PCGF1: variants seen among roughly 807,000 people sequenced by gnomAD.
PCGF1 encodes polycomb group ring finger 1, also known as polycomb group RING finger protein 1.
PCGF1 carries 10 observed loss-of-function variants against 38.8 expected under a neutral mutation model. The observed-to-expected ratio is 0.26, with a 90% CI of 0.16 to 0.44. The LOEUF is 0.44. Ranked by LOEUF, PCGF1 falls within the 20% of genes least tolerant of loss-of-function variation. The pLI is 1.00. For missense variants in PCGF1, 230 were observed against 331.5 expected (o/e 0.69, Z 2.38); for synonymous variants, 119 against 121.3 (o/e 0.98, Z 0.12).
intron 2 of PCGF1, 74 bp downstream of exon 2, chr2:74,506,968 G>T: frequency 1.2e-6 from 2 of 1,603,014 alleles, no homozygotes; most frequent in Non-Finnish European, 1.7e-6. Flanking sequence ...CGTGAGGCAG[G>T]CCGCACAGAA....
chr2:74,505,652 G>C lies in PCGF1; in HGVS notation c.565-14C>G. On this transcript the variant is annotated splice_polypyrimidine_tract_variant and intron_variant, in intron 6 of 8. Transcript: ENST00000233630. The stretch of plus-strand genomic sequence containing the variant: ...GACATACTTGTTCTGGGAGCAGGGA[G>C]GGGAGGGAAGAGGGCAAGGTGTGTG... The C allele has an allele frequency of 6.2e-7, 1 of 1,614,162 alleles. No homozygotes were observed. Among genetic ancestry groups the C allele is most frequent in the Non-Finnish European group, 8.5e-7 (1 of 1,180,030 alleles).
chr2:74,505,119 T>C lies in PCGF1; in HGVS notation c.*24A>G. ...TAAATATCTGGGGAGGGAAGGGGAG[T>C]GGGATGGGGTGGGGGCTTGGCCCCT... On this transcript the variant is annotated 3_prime_UTR_variant, in exon 9 of 9. Transcript: ENST00000233630. 1 of 1,427,626 alleles carries C rather than the reference T, an allele frequency of 7.0e-7. No individual in the cohort carries two copies. Among genetic ancestry groups the C allele is most frequent in the Non-Finnish European group, 9.3e-7 (1 of 1,080,810 alleles). The allele number at this position is 1,427,626 out of a possible 1,614,324, so 88.4% of individuals were successfully genotyped here. A position where few individuals can be genotyped will look rare whatever the true frequency, so the allele number is the denominator to read the frequency against.
chr2:74,505,931 A>C, intron 5 of PCGF1, 21 bp downstream of exon 5: 2 of 1,612,608 alleles, frequency 1.2e-6, no homozygotes, highest in South Asian at 2.2e-5. Context: ...CACCTCCTGC[A>C]ACCCCTGACC....
rs771462635 is a variant in PCGF1, at chr2:74,505,134, G to T, written c.*9C>A. 1.3e-6 allele frequency: 2 copies of T among 1,493,194 alleles called. No individual in the cohort carries two copies. Among genetic ancestry groups the T allele is most frequent in the Non-Finnish European group, 1.8e-6 (2 of 1,119,916 alleles). 92.5% of individuals were successfully genotyped at this position (1,493,194 alleles called of 1,614,324 possible). On this transcript the variant is annotated 3_prime_UTR_variant, in exon 9 of 9. Transcript: ENST00000233630. ...GGAAGGGGAGTGGGATGGGGTGGGG[G>T]CTTGGCCCCTACCTCCTCTTCTCTT...
chr2:74,507,662 A>C lies in PCGF1; in HGVS notation c.7T>G (p.Ser3Ala). 1 of 1,559,098 alleles carries C rather than the reference A, an allele frequency of 6.4e-7. No homozygotes were observed. The highest frequency in any genetic ancestry group is 1.2e-5 in the South Asian group (1 of 84,502). Reference protein sequence around the residue: MASPQGGQIAIAM... With the variant: MAAPQGGQIAIAM... ...ATCGCAATCTGGCCCCCCTGAGGAGACGCCATCTTAAAGGCTGATCCCAGC... is the reference window on the plus strand; with the variant it reads ...ATCGCAATCTGGCCCCCCTGAGGAGCCGCCATCTTAAAGGCTGATCCCAGC... The change falls in exon 1 of 9, where the codon TCT becomes GCT. Residue 3 changes from serine to alanine, a missense_variant. Ser to Ala is a moderately conservative substitution (Grantham distance 99). Coordinates refer to ENST00000233630, the MANE Select transcript of PCGF1 (RefSeq NM_032673.3).
intron 7 of PCGF1, 48 bp from the exon 8 acceptor site, chr2:74,505,467 A>G (rs201019641): frequency 1.2e-6 from 2 of 1,608,310 alleles, no homozygotes; most frequent in Admixed American, 3.4e-5. Flanking sequence ...TGGCAGGTCA[A>G]AAACTACCCT....
In PCGF1 at chr2:74,505,204, G is replaced by A. The variant is rs1185834959; in HGVS notation, c.733-14C>T. The A allele has an allele frequency of 2.6e-6, 4 of 1,563,246 alleles. No homozygotes were observed. The highest frequency in any genetic ancestry group is 3.5e-6 in the Non-Finnish European group (4 of 1,153,894). Reference sequence around the variant, plus strand: ...CAAAGGGGATGGCTAAGGAGAGAATGAGGAAGTAGTAGTCAGTGGGGAATG... The same window carrying A: ...CAAAGGGGATGGCTAAGGAGAGAATAAGGAAGTAGTAGTCAGTGGGGAATG... On this transcript the variant is annotated splice_polypyrimidine_tract_variant and intron_variant, in intron 8 of 8. Transcript: ENST00000233630.
At position 74,505,067 on chromosome 2, in the gene PCGF1, A is replaced by G. The variant is rs754073484; in HGVS notation, c.*76T>C. 5.1e-5 allele frequency: 71 copies of G among 1,400,184 alleles called. No individual in the cohort carries two copies. Among genetic ancestry groups the G allele is most frequent in the Non-Finnish European group, 6.7e-5 (71 of 1,063,062 alleles). 86.7% of individuals were successfully genotyped at this position (1,400,184 alleles called of 1,614,324 possible). ...GTGCTTTTTAAAAGTTTTTATTTCAAAAAATAAAGCTGCAGTTCATTTCAC... is the reference window on the plus strand; with the variant it reads ...GTGCTTTTTAAAAGTTTTTATTTCAGAAAATAAAGCTGCAGTTCATTTCAC... On this transcript the variant is annotated 3_prime_UTR_variant, in exon 9 of 9. Coordinates refer to ENST00000233630, the MANE Select transcript of PCGF1 (RefSeq NM_032673.3).
At chr2:74,505,525 C>G (rs1674609318) in intron 7 of PCGF1, 27 bp downstream of exon 7, 1 of 1,613,900 alleles carries the variant, frequency 6.2e-7, no homozygotes, top group East Asian at 2.2e-5. Flanking sequence ...TTCTCCCCCT[C>G]AAGAAACCTA....
intron 1 of PCGF1, 115 bp from the exon 2 acceptor site, chr2:74,507,262 G>A: frequency 1.4e-6 from 2 of 1,480,674 alleles, no homozygotes; most frequent in Non-Finnish European, 9.1e-7. Context: ...CGCGCCCTGC[G>A]CCATCAGCCG....
rs77847000 is a variant in PCGF1 at position 74,505,189 on chromosome 2, G to T, written c.734C>A (p.Pro245Gln). 2 of 1,555,078 alleles carry T rather than the reference G, an allele frequency of 1.3e-6. No individual in the cohort carries two copies. The highest frequency in any genetic ancestry group is 2.5e-5 in the South Asian group (2 of 81,098). ...ACTGTATTGTAAAAGCAAAGGGGAT[G>T]GCTAAGGAGAGAATGAGGAAGTAGT... The part of the protein sequence containing the change: ...QIWLSRWFGK[P>Q]SPLLLQYSVK... The change falls in exon 9 of 9, where the codon CCA (proline) becomes CAA (glutamine). Residue 245 changes from proline to glutamine, a missense_variant and splice_region_variant. Physicochemically the swap from Pro to Gln is moderately conservative, Grantham distance 76. Coordinates refer to ENST00000233630, the MANE Select transcript of PCGF1 (RefSeq NM_032673.3).
Position 74,506,216 on chromosome 2 carries a change from C to T in PCGF1, c.389G>A (p.Arg130Gln), listed in dbSNP as rs768837386. ...EKRIREFYQS[R>Q]GLDRVTQPTG... ...GGGCTGGGTGACCCGGTCCAAACCT[C>T]GGGACTGGTAGAATTCCCGAATCCG... The change falls in exon 4 of 9, where the codon CGA (arginine) becomes CAA (glutamine). Residue 130 changes from arginine to glutamine, a missense_variant. Arg to Gln is a conservative substitution (Grantham distance 43, BLOSUM62 1). Coordinates refer to ENST00000233630, the MANE Select transcript of PCGF1 (RefSeq NM_032673.3). 2.5e-6 allele frequency: 4 copies of T among 1,614,162 alleles called. No individual in the cohort carries two copies. The highest frequency in any genetic ancestry group is 1.3e-5 in the African/African-American group (1 of 75,038).
rs557539325 is a variant in PCGF1 at position 74,506,671 on chromosome 2, T to C, written c.352+61A>G. Reference sequence around the variant, plus strand: ...CGTGAGTCCTACCAAACCCGTCACCTCAAGCTGCCACTCAGCAATTAGTCC... The same window carrying C: ...CGTGAGTCCTACCAAACCCGTCACCCCAAGCTGCCACTCAGCAATTAGTCC... On this transcript the variant is annotated intron_variant, in intron 3 of 8. Coordinates refer to ENST00000233630, the MANE Select transcript of PCGF1 (RefSeq NM_032673.3). 7 of 1,591,986 alleles carry C rather than the reference T, an allele frequency of 4.4e-6. No homozygotes were observed. The African/African-American group carries it at 8.0e-5, about 18-fold the overall frequency.
rs1674593470 is a variant in PCGF1, at chr2:74,505,087, T to C, written c.*56A>G. ...TTTCAAAAAATAAAGCTGCAGTTCATTTCACATAAATATCTGGGGAGGGAA... is the reference window on the plus strand; with the variant it reads ...TTTCAAAAAATAAAGCTGCAGTTCACTTCACATAAATATCTGGGGAGGGAA... On this transcript the variant is annotated 3_prime_UTR_variant, in exon 9 of 9. Coordinates refer to ENST00000233630, the MANE Select transcript of PCGF1 (RefSeq NM_032673.3). 2 of 1,441,014 alleles carry C rather than the reference T, an allele frequency of 1.4e-6. No individual in the cohort carries two copies. Among genetic ancestry groups the C allele is most frequent in the African/African-American group, 1.4e-5 (1 of 70,012 alleles). 89.3% of individuals were successfully genotyped at this position (1,441,014 alleles called of 1,614,324 possible). A position where few individuals can be genotyped will look rare whatever the true frequency, so the allele number is the denominator to read the frequency against.
Position 74,507,622 on chromosome 2 carries a change from C to A in PCGF1, c.47G>T (p.Arg16Leu). 1 of 1,585,258 alleles carries A rather than the reference C, an allele frequency of 6.3e-7. No homozygotes were observed. The highest frequency in any genetic ancestry group is 8.6e-7 in the Non-Finnish European group (1 of 1,166,258). Residue 16 changes from arginine to leucine, a missense_variant, in exon 1 of 9, where the codon CGG becomes CTG. This residue lies in a region of PCGF1 where 46 missense variants were observed against 35.9 expected (regional missense o/e 1.28). Coordinates refer to ENST00000233630, the MANE Select transcript of PCGF1 (RefSeq NM_032673.3). ...CTTGTACACTGACTGGAGCTGGTTC[C>A]GAAGCCTCATCGCGATCGCAATCTG... ...GGQIAIAMRL[R>L]NQLQSVYKMD...
chr2:74,506,288 C>T, intron 3 of PCGF1, 36 bp from the exon 4 acceptor site: 1 of 1,603,914 alleles, frequency 6.2e-7, no homozygotes, highest in Non-Finnish European at 8.5e-7. Context: ...AAAGTATTAG[C>T]CCTTCGGGGC....
At chr2:74,507,335 G>A (rs1378172738) in intron 1 of PCGF1, 188 bp from the exon 2 acceptor site, 1 of 1,454,588 alleles carries the variant, frequency 6.9e-7, no homozygotes, top group Non-Finnish European at 9.0e-7. Context: ...CGCACAGCGG[G>A]GGCTTCCCTC....
In PCGF1 at chr2:74,506,714, G is replaced by C; in HGVS notation, c.352+18C>G. The C allele has an allele frequency of 6.2e-7, 1 of 1,613,124 alleles. No homozygotes were observed. On this transcript the variant is annotated intron_variant, in intron 3 of 8. Transcript: ENST00000233630. ...ATTAGTCCTCAAGAGGCCCCTCAAAGTCAGGTTGGTGACTCACTGTCTTGC... is the reference window on the plus strand; with the variant it reads ...ATTAGTCCTCAAGAGGCCCCTCAAACTCAGGTTGGTGACTCACTGTCTTGC...
chr2:74,505,341 T>C lies in PCGF1; in HGVS notation c.730A>G (p.Lys244Glu). Residue 244 changes from lysine to glutamate, a missense_variant and splice_region_variant, in exon 8 of 9, where the codon AAG becomes GAG. Around this residue, in one of 3 missense-constraint regions of PCGF1, gnomAD observed 144 missense variants for 182.4 expected, o/e 0.79. Transcript: ENST00000233630. Reference protein sequence around the residue: ...KQIWLSRWFGKPSPLLLQYSV... With the variant: ...KQIWLSRWFGEPSPLLLQYSV... ...CCAGGGAGGGTGGCCTGGCTTACCT[T>C]GCCGAACCAGCGGGAGAGCCATATC... 6.2e-7 allele frequency: 1 copy of C among 1,606,734 alleles called. No individual in the cohort carries two copies. Among genetic ancestry groups the C allele is most frequent in the Admixed American group, 1.7e-5 (1 of 58,892 alleles).
Sources: gnomAD v4.1 joint callset for allele counts on GRCh38, gnomAD v4.1.1 for gene constraint, gnomAD v4.1.1 regional missense constraint, MANE v1.5 for transcripts, NCBI Gene and HGNC (gene_info 2026-07-23, HGNC 2026-07-21) for gene names.